The following DTWD2 variants were observed in gnomAD, a reference collection of about 807,000 sequenced individuals.
DTWD2 encodes the protein tRNA-uridine aminocarboxypropyltransferase 2.
Under a neutral mutation model 31.8 loss-of-function variants are expected in DTWD2, and 39 were observed. The observed-to-expected ratio is 1.22, with a 90% CI of 0.95 to 1.60. The LOEUF is 1.60. Ranked by LOEUF, DTWD2 falls within the 40% of genes most tolerant of loss-of-function variation. The probability of loss-of-function intolerance (pLI) is 0.00; values close to 1 mark genes in which losing one functional copy is unlikely to be tolerated. For synonymous variants in DTWD2, 180 were observed against 142.8 expected (o/e 1.26, Z -1.86); for missense variants, 515 against 381.5 (o/e 1.35, Z -2.92).
chr5:118,859,896 T>A (rs1015221085), intron 4 of DTWD2, among the ~76,000 whole-genome samples: 1 of 152,058 alleles, frequency 6.6e-6, no homozygotes, highest in Non-Finnish European at 1.5e-5. Context: ...GACAGGAGGA[T>A]CACTTGAGCC....
chr5:118,973,675 C>T (rs391992), intron 1 of DTWD2: 4 of 1,097,344 alleles, frequency 3.6e-6, no homozygotes, highest in Non-Finnish European at 5.2e-6. Flanking sequence ...CCTTGCTCGC[C>T]GCAGCCGCCT....
intron 4 of DTWD2, among the ~76,000 whole-genome samples, chr5:118,861,083 A>C (rs1752249885): frequency 6.6e-6 from 1 of 152,172 alleles, no homozygotes. Context: ...CTAATTACTA[A>C]TTAATGTTTG....
intron 3 of DTWD2, among the ~76,000 whole-genome samples, chr5:118,938,483 T>G (rs1393318943): frequency 6.6e-6 from 1 of 152,196 alleles, no homozygotes; most frequent in Admixed American, 6.5e-5. Flanking sequence ...AACAAAAGCC[T>G]AAATTAATCA....
At chr5:118,913,832 A>G (rs1753514899) in intron 4 of DTWD2, among the ~76,000 whole-genome samples, 1 of 152,172 alleles carries the variant, frequency 6.6e-6, no homozygotes, top group African/African-American at 2.4e-5. Flanking sequence ...ATATGAAAAT[A>G]ATAATGTAAT....
chr5:118,978,712 A>G (rs972901025), intron 1 of DTWD2, among the ~76,000 whole-genome samples: 1 of 152,198 alleles, frequency 6.6e-6, no homozygotes, highest in African/African-American at 2.4e-5. Flanking sequence ...GACTATCAAA[A>G]CGTCAACAAA....
intron 4 of DTWD2, among the ~76,000 whole-genome samples, chr5:118,904,753 G>C (rs902354201): frequency 6.6e-6 from 1 of 152,082 alleles, no homozygotes; most frequent in African/African-American, 2.4e-5. Flanking sequence ...AGAAAGAACA[G>C]GGTTATTAAA....
chr5:118,923,165 T>C (rs950845403), intron 4 of DTWD2, among the ~76,000 whole-genome samples: 2 of 152,156 alleles, frequency 1.3e-5, no homozygotes, highest in Admixed American at 6.5e-5. Context: ...ATTCTCACCT[T>C]GTTACAGGTA....
In DTWD2 at chr5:118,857,026, C is replaced by G. The variant is rs1034086344; in HGVS notation, c.598-8808G>C. 3.9e-5 allele frequency among the ~76,000 whole-genome samples: 6 copies of G among 152,080 alleles called. No individual in the cohort carries two copies. In the East Asian group the frequency reaches 7.7e-4, roughly 20 times the overall value. On this transcript the variant is annotated intron_variant, in intron 4 of 5. Transcript: ENST00000510708. ...ACCTGACCTCAGGTGATCTGCCCAC[C>G]TCAGCCTCCCAAAGTGCTGGGATTA...
At chr5:118,866,439 C>T (rs1470882520) in intron 4 of DTWD2, among the ~76,000 whole-genome samples, 1 of 152,122 alleles carries the variant, frequency 6.6e-6, no homozygotes, top group Admixed American at 6.5e-5. Context: ...TGCAAAAATT[C>T]TGCAGTCTTC....
intron 4 of DTWD2, among the ~76,000 whole-genome samples, chr5:118,858,139 T>C (rs1053634035): frequency 1.3e-5 from 2 of 152,098 alleles, no homozygotes; most frequent in Admixed American, 6.6e-5. Context: ...CACAACAGTA[T>C]TGTGGCAATG....
chr5:118,908,018 C>T (rs1169356855), intron 4 of DTWD2, among the ~76,000 whole-genome samples: 1 of 152,158 alleles, frequency 6.6e-6, no homozygotes, highest in African/African-American at 2.4e-5. Flanking sequence ...ATAAAACTAA[C>T]CATCACTGGA....
chr5:118,923,807 T>A (rs1261837138), intron 4 of DTWD2, among the ~76,000 whole-genome samples: 1 of 152,230 alleles, frequency 6.6e-6, no homozygotes, highest in African/African-American at 2.4e-5. Context: ...GTGCTGCTGG[T>A]AACTCAGGGT....
chr5:118,889,767 T>C (rs953740692), intron 4 of DTWD2, among the ~76,000 whole-genome samples: 10 of 152,142 alleles, frequency 6.6e-5, no homozygotes, highest in African/African-American at 2.4e-4. Context: ...TTCATTAGTG[T>C]GATGTAAGAA....
chr5:118,886,793 A>G (rs2149557742), intron 4 of DTWD2, among the ~76,000 whole-genome samples: 1 of 152,332 alleles, frequency 6.6e-6, no homozygotes, highest in East Asian at 1.9e-4. Flanking sequence ...AATTATCTCA[A>G]AATAAAAAGT....
intron 4 of DTWD2, among the ~76,000 whole-genome samples, chr5:118,924,962 C>T (rs1753778806): frequency 6.6e-6 from 1 of 152,250 alleles, no homozygotes; most frequent in Middle Eastern, 3.4e-3. Context: ...CATTTGTAAT[C>T]GGGCCTGCTC....
chr5:118,864,481 T>C (rs754660390), intron 4 of DTWD2, among the ~76,000 whole-genome samples: 1 of 149,224 alleles, frequency 6.7e-6, no homozygotes, highest in African/African-American at 2.5e-5. Flanking sequence ...TGTATACATA[T>C]GTAACTAACC....
At chr5:118,894,702 C>A (rs1753043877) in intron 4 of DTWD2, among the ~76,000 whole-genome samples, 1 of 152,264 alleles carries the variant, frequency 6.6e-6, no homozygotes, top group Admixed American at 6.5e-5. Context: ...CCAAGGAATA[C>A]AAGCATGTTC....
chr5:118,988,398 C>T lies in DTWD2; in HGVS notation c.114G>A (p.Pro38=), dbSNP rs1755485634. ...DKERREGGAV[P]AAAALGAEAD... ...CCTCTGCGCCCAGGGCAGCCGCCGC[C>T]GGCACTGCGCCGCCCTCCCGCCGCT... The change falls in exon 1 of 6, where the codon CCG becomes CCA. Residue 38 remains proline (P), a synonymous_variant. Transcript: ENST00000510708. 1.3e-6 allele frequency: 2 copies of T among 1,595,814 alleles called. No individual in the cohort carries two copies. The highest frequency in any genetic ancestry group is 1.7e-5 in the Admixed American group (1 of 58,116).
chr5:118,933,877 C>G, intron 3 of DTWD2, among the ~76,000 whole-genome samples: 1 of 138,700 alleles, frequency 7.2e-6, no homozygotes, highest in East Asian at 2.0e-4. Flanking sequence ...AGGGAACTGA[C>G]CTAAATAAAT....
Sources: allele counts gnomAD v4.1 joint callset (sites outside exome capture counted in the v4.1 genomes callset), GRCh38; gene constraint gnomAD v4.1.1; transcripts MANE v1.5; gene names NCBI Gene and HGNC (gene_info 2026-07-23, HGNC 2026-07-21).